Variants in TMPRSS15 observed in about 807,000 individuals in gnomAD.
The protein encoded by TMPRSS15 is enteropeptidase.
In TMPRSS15, 128 loss-of-function variants were observed where a neutral mutation model predicts 125.3. The observed-to-expected ratio is 1.02, with a 90% CI of 0.89 to 1.18. The LOEUF (loss-of-function observed/expected upper bound fraction) is 1.18, where lower values mean the gene tolerates loss of function less well. TMPRSS15 is among the 50% of genes most tolerant of loss of function. The pLI is 0.00. For missense variants in TMPRSS15, 1,283 were observed against 1,212.7 expected (o/e 1.06, Z -0.86); for synonymous variants, 446 against 423.2 (o/e 1.05, Z -0.66).
intron 18 of TMPRSS15, among the ~76,000 whole-genome samples, chr21:18,310,342 T>A (rs1484021971): frequency 6.6e-6 from 1 of 152,100 alleles, no homozygotes; most frequent in Non-Finnish European, 1.5e-5. Flanking sequence ...AGAGAATTGA[T>A]CATTGAATTT....
chr21:18,450,999 G>T (rs2076267292), intron 1 of TMPRSS15, among the ~76,000 whole-genome samples: 1 of 136,782 alleles, frequency 7.3e-6, no homozygotes, highest in Non-Finnish European at 1.8e-5. Flanking sequence ...CCCATTTTAA[G>T]ATAATCCACA....
intron 21 of TMPRSS15, among the ~76,000 whole-genome samples, chr21:18,281,960 G>C (rs536009621): frequency 6.6e-6 from 1 of 151,908 alleles, no homozygotes; most frequent in African/African-American, 2.4e-5. Flanking sequence ...AGCCGGGCGT[G>C]GTGGTGGGCG....
intron 23 of TMPRSS15, among the ~76,000 whole-genome samples, chr21:18,276,591 T>A (rs2074623771): frequency 6.6e-6 from 1 of 152,152 alleles, no homozygotes. Context: ...GTTTGGTAGA[T>A]GATAAAACTG....
intron 21 of TMPRSS15, among the ~76,000 whole-genome samples, chr21:18,286,907 C>T (rs1380186183): frequency 6.6e-6 from 1 of 152,166 alleles, no homozygotes; most frequent in African/African-American, 2.4e-5. Context: ...CTCACTTCTA[C>T]CCCAGAGCAT....
chr21:18,325,180 C>A (rs530831566), intron 16 of TMPRSS15, among the ~76,000 whole-genome samples: 90 of 151,828 alleles, frequency 5.9e-4, no homozygotes, highest in South Asian at 3.5e-3. Context: ...TGTATTTCTT[C>A]TTTTTAGTGT....
chr21:18,470,598 T>C (rs1255264502), intron 1 of TMPRSS15, among the ~76,000 whole-genome samples: 1 of 152,116 alleles, frequency 6.6e-6, no homozygotes, highest in African/African-American at 2.4e-5. Flanking sequence ...GTTGTCAAGG[T>C]CTGCCCAGAG....
chr21:18,452,371 T>C (rs1297680360), intron 1 of TMPRSS15, among the ~76,000 whole-genome samples: 3 of 152,132 alleles, frequency 2.0e-5, no homozygotes, highest in Non-Finnish European at 4.4e-5. Flanking sequence ...CATAATGTAA[T>C]ATTAAAATTA....
intron 15 of TMPRSS15, among the ~76,000 whole-genome samples, chr21:18,327,225 T>C (rs1337814708): frequency 6.6e-6 from 1 of 152,190 alleles, no homozygotes; most frequent in African/African-American, 2.4e-5. Flanking sequence ...AAATCAGAGA[T>C]CTTTCTGGAA....
chr21:18,338,999 A>C (rs570872129), intron 13 of TMPRSS15, among the ~76,000 whole-genome samples: 114 of 144,992 alleles, frequency 7.9e-4, no homozygotes, highest in African/African-American at 2.7e-3. Context: ...TTCTGCTCAC[A>C]TTTTTTTTTT....
intron 1 of TMPRSS15, among the ~76,000 whole-genome samples, chr21:18,470,201 T>G (rs1470034553): frequency 6.6e-6 from 1 of 152,038 alleles, no homozygotes; most frequent in Non-Finnish European, 1.5e-5. Flanking sequence ...TCAAGAAATC[T>G]CTGTCATCTC....
At chr21:18,286,012 C>G (rs1014062154) in intron 21 of TMPRSS15, among the ~76,000 whole-genome samples, 12 of 152,262 alleles carry the variant, frequency 7.9e-5, no homozygotes, top group African/African-American at 2.6e-4. Flanking sequence ...GTGTAAGAAA[C>G]AGAAGTAAGT....
intron 1 of TMPRSS15, among the ~76,000 whole-genome samples, chr21:18,479,254 T>C (rs1015987776): frequency 6.6e-5 from 10 of 152,116 alleles, no homozygotes; most frequent in African/African-American, 2.4e-4. Context: ...AATCTACACA[T>C]ACATGCATAC....
chr21:18,390,574 C>T (rs540862741), intron 3 of TMPRSS15, among the ~76,000 whole-genome samples: 2 of 152,180 alleles, frequency 1.3e-5, no homozygotes, highest in East Asian at 1.9e-4. Context: ...AGGAGATAGA[C>T]AAATCAACAA....
At chr21:18,391,905 C>T (rs1369035273) in intron 3 of TMPRSS15, among the ~76,000 whole-genome samples, 2 of 152,198 alleles carry the variant, frequency 1.3e-5, no homozygotes, top group African/African-American at 2.4e-5. Context: ...TGCGGGCCCA[C>T]GTGGAAGTTG....
intron 13 of TMPRSS15, 93 bp from the exon 14 acceptor site, chr21:18,332,266 T>C: frequency 3.4e-6 from 4 of 1,164,418 alleles, no homozygotes; most frequent in Middle Eastern, 1.9e-4. Flanking sequence ...TTACATTTCT[T>C]AGAATACAAA....
chr21:18,289,593 T>G (rs994931364), intron 21 of TMPRSS15, among the ~76,000 whole-genome samples: 6 of 152,222 alleles, frequency 3.9e-5, no homozygotes, highest in African/African-American at 1.4e-4. Context: ...AATTATTTAT[T>G]TCAGGAGTGT....
At chr21:18,391,359 C>A (rs1202378125) in intron 3 of TMPRSS15, among the ~76,000 whole-genome samples, 1 of 152,208 alleles carries the variant, frequency 6.6e-6, no homozygotes, top group African/African-American at 2.4e-5. Flanking sequence ...GGGTTACAAG[C>A]ACTGAATAAA....
chr21:18,295,347 T>C (rs1341098119), intron 19 of TMPRSS15, among the ~76,000 whole-genome samples: 1 of 152,236 alleles, frequency 6.6e-6, no homozygotes, highest in African/African-American at 2.4e-5. Context: ...ATTATACTTA[T>C]CAGCCACTAG....
At position 18,275,219 on chromosome 21, in the gene TMPRSS15, T is replaced by C; in HGVS notation, c.2882A>G (p.Glu961Gly). ...TENMICAGYE[E>G]GGIDSCQGDS... ...TACCTGACAAGAATCTATTCCTCCT[T>C]CTTCATAGCCTGCACATATCATATT... Residue 961 changes from glutamate (E) to glycine (G), a missense_variant, in exon 24 of 25, where the codon GAA (glutamate) becomes GGA (glycine). Physicochemically the swap from Glu to Gly is moderately conservative, Grantham distance 98. Transcript: ENST00000284885. 1 of 1,614,090 alleles carries C rather than the reference T, an allele frequency of 6.2e-7. No homozygotes were observed. Among genetic ancestry groups the C allele is most frequent in the Non-Finnish European group, 8.5e-7 (1 of 1,179,984 alleles).
Sources: gnomAD v4.1 joint callset for allele counts (sites outside exome capture counted in the v4.1 genomes callset) on GRCh38, gnomAD v4.1.1 for gene constraint, MANE v1.5 for transcripts, NCBI Gene and HGNC (gene_info 2026-07-23, HGNC 2026-07-21) for gene names.